MSRB3: variants seen among roughly 807,000 people sequenced by gnomAD.
The protein encoded by MSRB3 is methionine sulfoxide reductase B3.
MSRB3 carries 13 observed loss-of-function variants against 21.0 expected under a neutral mutation model. That is an observed-to-expected ratio of 0.62 (90% CI 0.40 to 0.98). The LOEUF is 0.98. Among genes scored for constraint, MSRB3 ranks in the 50% least tolerant of loss-of-function variants. The pLI is 0.00. For synonymous variants in MSRB3, 87 were observed against 88.6 expected, an observed-to-expected ratio of 0.98 and a Z score of 0.10; for missense variants, 199 against 230.3, an observed-to-expected ratio of 0.86 and a Z score of 0.88.
At chr12:65,352,251 C>T (rs1384408461) in intron 4 of MSRB3, among the ~76,000 whole-genome samples, 2 of 151,894 alleles carry the variant, frequency 1.3e-5, no homozygotes, top group Admixed American at 6.6e-5. Context: ...AAGCCTTTGA[C>T]AAAATTCAAC....
intron 5 of MSRB3, among the ~76,000 whole-genome samples, chr12:65,375,485 T>A (rs985488323): frequency 6.6e-6 from 1 of 152,184 alleles, no homozygotes; most frequent in African/African-American, 2.4e-5. Flanking sequence ...TTGCCCAGGC[T>A]GGAGTGCTGT....
chr12:65,371,785 A>G (rs1337580847), intron 5 of MSRB3, among the ~76,000 whole-genome samples: 1 of 152,214 alleles, frequency 6.6e-6, no homozygotes, highest in Non-Finnish European at 1.5e-5. Context: ...CATTTGTTGA[A>G]TGTATACCAA....
intron 5 of MSRB3, among the ~76,000 whole-genome samples, chr12:65,427,649 C>T (rs749167787): frequency 6.6e-6 from 1 of 152,126 alleles, no homozygotes; most frequent in African/African-American, 2.4e-5. Flanking sequence ...TGGCTCTGGG[C>T]TCTGGGGTGT....
chr12:65,386,997 C>G (rs1879226106), intron 5 of MSRB3, among the ~76,000 whole-genome samples: 1 of 151,946 alleles, frequency 6.6e-6, no homozygotes. Flanking sequence ...CCTGATATTT[C>G]TTGGTCTTAT....
chr12:65,449,930 G>T (rs953456900), intron 5 of MSRB3, among the ~76,000 whole-genome samples: 2 of 152,182 alleles, frequency 1.3e-5, no homozygotes, highest in Non-Finnish European at 2.9e-5. Flanking sequence ...AGGTGGAATT[G>T]ATTGGGATGG....
At chr12:65,391,813 A>G (rs556511588) in intron 5 of MSRB3, among the ~76,000 whole-genome samples, 2 of 152,324 alleles carry the variant, frequency 1.3e-5, no homozygotes, top group African/African-American at 4.8e-5. Context: ...TGTTGAAGTC[A>G]TAGAGGATCA....
At chr12:65,367,990 A>G (rs1878108821) in intron 4 of MSRB3, among the ~76,000 whole-genome samples, 1 of 152,208 alleles carries the variant, frequency 6.6e-6, no homozygotes, top group South Asian at 2.1e-4. Context: ...GGACTTCAGA[A>G]AATGAATGTT....
At chr12:65,283,105 GTAA>G (rs1474673775) in intron 1 of MSRB3, among the ~76,000 whole-genome samples, 1 of 152,176 alleles carries the variant, frequency 6.6e-6, no homozygotes. Context: ...ATTTGAAACA[GTAA>G]TAGCTTAGGG....
chr12:65,298,973 A>G (rs560950003), intron 1 of MSRB3, among the ~76,000 whole-genome samples: 12 of 152,180 alleles, frequency 7.9e-5, no homozygotes, highest in Non-Finnish European at 1.5e-4. Flanking sequence ...CCATTGAGGC[A>G]CTGGATCTTT....
intron 4 of MSRB3, among the ~76,000 whole-genome samples, chr12:65,340,493 G>A (rs1292385817): frequency 6.6e-6 from 1 of 152,124 alleles, no homozygotes; most frequent in Non-Finnish European, 1.5e-5. Flanking sequence ...GCTACAGATT[G>A]AGAAAGTGCT....
At chr12:65,381,668 C>A (rs1208083490) in intron 5 of MSRB3, among the ~76,000 whole-genome samples, 2 of 151,908 alleles carry the variant, frequency 1.3e-5, no homozygotes, top group Non-Finnish European at 2.9e-5. Context: ...ATAGAACTAT[C>A]CTAAGAACAT....
chr12:65,298,223 C>G (rs1026576558), intron 1 of MSRB3, among the ~76,000 whole-genome samples: 1 of 152,186 alleles, frequency 6.6e-6, no homozygotes, highest in Non-Finnish European at 1.5e-5. Context: ...AGAGTGGTCT[C>G]AAACTCCTGA....
At chr12:65,371,042 A>G (rs1878287294) in intron 5 of MSRB3, among the ~76,000 whole-genome samples, 2 of 152,222 alleles carry the variant, frequency 1.3e-5, no homozygotes, top group Non-Finnish European at 2.9e-5. Context: ...ATAAGGTAGC[A>G]TAGGGCCGGG....
At chr12:65,367,401 G>A (rs1878072525) in intron 4 of MSRB3, among the ~76,000 whole-genome samples, 1 of 152,164 alleles carries the variant, frequency 6.6e-6, no homozygotes, top group Admixed American at 6.5e-5. Flanking sequence ...ATGCATTTTA[G>A]GACCCAGGAG....
At chr12:65,334,893 T>C (rs374750643) in intron 4 of MSRB3, among the ~76,000 whole-genome samples, 5 of 152,232 alleles carry the variant, frequency 3.3e-5, no homozygotes, top group East Asian at 1.9e-4. Context: ...AATAGCTGCA[T>C]TCCAAATTTT....
intron 5 of MSRB3, among the ~76,000 whole-genome samples, chr12:65,425,058 T>TTATATATTTATATAAATATATATATA (rs1881523302): frequency 7.4e-6 from 1 of 135,946 alleles, no homozygotes; most frequent in East Asian, 2.2e-4. Context: ...TTATATATAT[T>TTATATATTTATATAAATATATATATA]TACAGTAGTT....
chr12:65,308,674 GTA>G lies in MSRB3; in HGVS notation c.76+20_76+21del. 1 of 1,613,756 alleles carries G rather than the reference GTA, an allele frequency of 6.2e-7. No individual in the cohort carries two copies. The highest frequency in any genetic ancestry group is 1.3e-5 in the African/African-American group (1 of 74,996). On this transcript the variant is annotated intron_variant, in intron 2 of 6. Transcript: ENST00000308259. Reference sequence around the variant, plus strand: ...CCCTCAGGTTGCTGCTTGTTGTACTGTACATAGTGAAGGCACAGGGCCAACTG... The same window carrying G: ...CCCTCAGGTTGCTGCTTGTTGTACTGCATAGTGAAGGCACAGGGCCAACTG...
intron 5 of MSRB3, among the ~76,000 whole-genome samples, chr12:65,373,815 G>A (rs1296838439): frequency 1.3e-5 from 2 of 152,128 alleles, no homozygotes; most frequent in Non-Finnish European, 2.9e-5. Context: ...TTATGCTGAA[G>A]GAGGGAGGGC....
chr12:65,455,974 T>C (rs1883072112), intron 6 of MSRB3, among the ~76,000 whole-genome samples: 2 of 152,146 alleles, frequency 1.3e-5, no homozygotes, highest in Non-Finnish European at 2.9e-5. Context: ...CGAGCTCAAG[T>C]GATCCACCTG....
Sources: gnomAD v4.1 joint callset for allele counts (sites outside exome capture counted in the v4.1 genomes callset) on GRCh38, gnomAD v4.1.1 for gene constraint, MANE v1.5 for transcripts, NCBI Gene and HGNC (gene_info 2026-07-23, HGNC 2026-07-21) for gene names.